The following ART3 variants were observed in gnomAD, a reference collection of about 807,000 sequenced individuals.
The protein encoded by ART3 is ecto-ADP-ribosyltransferase 3.
In ART3, 49 loss-of-function variants were observed where a neutral mutation model predicts 48.5. That is an observed-to-expected ratio of 1.01 (90% CI 0.80 to 1.28). The LOEUF is 1.28. Among genes scored for constraint, ART3 ranks in the 50% most tolerant of loss-of-function variants. ART3 has a pLI of 0.00. For missense variants in ART3, 438 were observed against 454.3 expected, an observed-to-expected ratio of 0.96 and a Z score of 0.33; for synonymous variants, 145 against 157.2, an observed-to-expected ratio of 0.92 and a Z score of 0.58.
intron 11 of ART3, chr4:76,111,941 T>G (rs1729574057): frequency 6.5e-6 from 1 of 153,578 alleles, no homozygotes; most frequent in South Asian, 2.1e-4. Context: ...AGGCTCAAAC[T>G]CCTGGTCTCA....
chr4:76,023,492 T>C, intron 1 of ART3: 1 of 1,481,936 alleles, frequency 6.7e-7, no homozygotes, highest in South Asian at 1.1e-5. Flanking sequence ...AATTGAGGAA[T>C]GTCTCAGAAA....
At chr4:76,040,922 T>C (rs1361717644) in intron 1 of ART3, among the ~76,000 whole-genome samples, 1 of 152,202 alleles carries the variant, frequency 6.6e-6, no homozygotes, top group Non-Finnish European at 1.5e-5. Flanking sequence ...TCTCCTTCTA[T>C]AACACTCTCT....
Position 76,108,615 on chromosome 4 carries a change from G to GC in ART3, c.1036+828dup, listed in dbSNP as rs138404280. Among the ~76,000 whole-genome samples, 93 of 151,836 alleles carry GC rather than the reference G, an allele frequency of 6.1e-4. 1 individual carries two copies. The East Asian group carries it at 0.017, about 28-fold the overall frequency. ...CCAAACTGCCTCTTGGGGCAGTAATGCCCCCCTGAGAACCACTGGTCTGTG... is the reference window on the plus strand; with the variant it reads ...CCAAACTGCCTCTTGGGGCAGTAATGCCCCCCCTGAGAACCACTGGTCTGTG... On this transcript the variant is annotated intron_variant, in intron 11 of 11. Coordinates refer to ENST00000355810, the MANE Select transcript of ART3 (RefSeq NM_001130016.3).
At chr4:76,024,746 A>G (rs1733211413) in intron 1 of ART3, among the ~76,000 whole-genome samples, 1 of 152,212 alleles carries the variant, frequency 6.6e-6, no homozygotes, top group African/African-American at 2.4e-5. Context: ...AGAACCTAGG[A>G]AAATATATGG....
At chr4:76,084,838 G>T (rs1723213737) in intron 3 of ART3, among the ~76,000 whole-genome samples, 1 of 152,226 alleles carries the variant, frequency 6.6e-6, no homozygotes, top group Non-Finnish European at 1.5e-5. Context: ...AGAAGCCATA[G>T]CTTTGGGCTT....
At chr4:76,037,851 G>T (rs771142147) in intron 1 of ART3, among the ~76,000 whole-genome samples, 13 of 151,862 alleles carry the variant, frequency 8.6e-5, no homozygotes, top group Middle Eastern at 3.4e-3. Flanking sequence ...TGGTATAATC[G>T]GGGAATTTAT....
At chr4:76,100,410 A>G in intron 6 of ART3, 90 bp downstream of exon 6, 2 of 1,303,482 alleles carry the variant, frequency 1.5e-6, no homozygotes, top group South Asian at 1.2e-5. Flanking sequence ...AGGCGGGAGG[A>G]TCATGAGGTC....
chr4:76,074,710 C>G lies in ART3; in HGVS notation c.-119C>G, dbSNP rs1720695508. 6.6e-6 allele frequency: 1 copy of G among 152,192 alleles called. No homozygotes were observed. The highest frequency in any genetic ancestry group is 2.4e-5 in the African/African-American group (1 of 41,434). The allele number at this position is 152,192 out of a possible 1,614,324, so 9.4% of individuals were successfully genotyped here. A position where few individuals can be genotyped will look rare whatever the true frequency, so the allele number is the denominator to read the frequency against. On this transcript the variant is annotated 5_prime_UTR_variant, in exon 1 of 12. Transcript: ENST00000355810. ...AAAGAAAAGCATTCCTGTCTCAGCTCTCACTGTCAACAACATCCCATCCTG... is the reference window on the plus strand; with the variant it reads ...AAAGAAAAGCATTCCTGTCTCAGCTGTCACTGTCAACAACATCCCATCCTG...
At chr4:76,043,280 G>T (rs555874918) in intron 1 of ART3, among the ~76,000 whole-genome samples, 4 of 152,036 alleles carry the variant, frequency 2.6e-5, no homozygotes, top group African/African-American at 7.2e-5. Context: ...TGCCAGTCCC[G>T]GTGCTGTGTG....
At chr4:76,060,893 A>G (rs7688306) in intron 1 of ART3, among the ~76,000 whole-genome samples, 93,135 of 152,116 alleles carry the variant, frequency 0.61, 29,598 homozygotes, top group East Asian at 0.94. Flanking sequence ...AGTCTTCAAG[A>G]AACTGCATTC....
intron 10 of ART3, chr4:76,105,523 A>G (rs1728276164): frequency 7.8e-7 from 1 of 1,289,040 alleles, no homozygotes; most frequent in Non-Finnish European, 1.0e-6. Context: ...CTTGTTTAGG[A>G]ATAAAAATGA....
chr4:76,099,122 C>A, intron 5 of ART3, 135 bp downstream of exon 5: 1 of 756,446 alleles, frequency 1.3e-6, no homozygotes, highest in South Asian at 1.5e-5. Flanking sequence ...GGCAACATGG[C>A]GGAACCCCAT....
intron 1 of ART3, among the ~76,000 whole-genome samples, chr4:76,069,420 G>A (rs1466833120): frequency 8.7e-6 from 1 of 114,902 alleles, no homozygotes; most frequent in African/African-American, 3.5e-5. Context: ...GACACAGTCT[G>A]TCTCTATCAC....
upstream of ART3, among the ~76,000 whole-genome samples, chr4:76,071,699 A>G (rs146388903): frequency 2.0e-3 from 304 of 152,276 alleles, 1 homozygote; most frequent in Admixed American, 3.4e-3. Context: ...TTCTTTTGTA[A>G]GTATTTTCTT....
intron 1 of ART3, among the ~76,000 whole-genome samples, chr4:76,029,782 A>C (rs575193240): frequency 2.6e-5 from 4 of 152,092 alleles, no homozygotes; most frequent in Admixed American, 2.6e-4. Flanking sequence ...ATCCAAAACT[A>C]CTCCATTTGT....
At chr4:76,046,020 G>A (rs981042072) in intron 1 of ART3, among the ~76,000 whole-genome samples, 4 of 151,998 alleles carry the variant, frequency 2.6e-5, no homozygotes, top group Non-Finnish European at 4.4e-5. Context: ...AAGTTCAAGA[G>A]ATCCAGAGTA....
Position 76,104,947 on chromosome 4 carries a change from C to T in ART3, c.1003+318C>T, listed in dbSNP as rs575437020. Among the ~76,000 whole-genome samples, 4 of 152,210 alleles carry T rather than the reference C, an allele frequency of 2.6e-5. No individual in the cohort carries two copies. The East Asian group carries it at 5.8e-4, about 22-fold the overall frequency. Reference sequence around the variant, plus strand: ...TATTTGGCATCTTAAAAACTATATCCAGCCACACAGTGCTGAACTTCACGT... The same window carrying T: ...TATTTGGCATCTTAAAAACTATATCTAGCCACACAGTGCTGAACTTCACGT... On this transcript the variant is annotated intron_variant, in intron 10 of 11. Transcript: ENST00000355810.
chr4:76,036,015 C>CTGT, intron 1 of ART3: 4 of 1,605,240 alleles, frequency 2.5e-6, no homozygotes, highest in African/African-American at 2.7e-5. Flanking sequence ...GCTGCTGGTG[C>CTGT]TGCTGCTGCT....
intron 1 of ART3, among the ~76,000 whole-genome samples, chr4:76,048,484 G>A (rs4643846): frequency 0.59 from 89,070 of 150,848 alleles, 27,381 homozygotes; most frequent in East Asian, 0.94. Context: ...CATCTGAAAG[G>A]CAAAACCACC....
Sources: gnomAD v4.1 joint callset for allele counts (sites outside exome capture counted in the v4.1 genomes callset) on GRCh38, gnomAD v4.1.1 for gene constraint, MANE v1.5 for transcripts, NCBI Gene and HGNC (gene_info 2026-07-23, HGNC 2026-07-21) for gene names.